SLC22A3: variants seen among roughly 807,000 people sequenced by gnomAD.
SLC22A3 encodes the protein solute carrier family 22 member 3.
In SLC22A3, 51 loss-of-function variants were observed where a neutral mutation model predicts 59.1. That is an observed-to-expected ratio of 0.86 (90% CI 0.69 to 1.09). The LOEUF (loss-of-function observed/expected upper bound fraction) is 1.09, where lower values mean the gene tolerates loss of function less well. SLC22A3 is among the 50% of genes least tolerant of loss of function. The probability of loss-of-function intolerance (pLI) is 0.00; values close to 1 mark genes in which losing one functional copy is unlikely to be tolerated. For missense variants in SLC22A3, 711 were observed against 726.3 expected (o/e 0.98, Z 0.24); for synonymous variants, 325 against 292.0 (o/e 1.11, Z -1.15).
At chr6:160,401,424 T>C (rs192633735) in intron 2 of SLC22A3, among the ~76,000 whole-genome samples, 1 of 151,878 alleles carries the variant, frequency 6.6e-6, no homozygotes, top group East Asian at 1.9e-4. Context: ...AGAAAAAAAA[T>C]CCAATCTAGA....
intron 1 of SLC22A3, among the ~76,000 whole-genome samples, chr6:160,394,904 G>A (rs2114826024): frequency 6.6e-6 from 1 of 152,258 alleles, no homozygotes; most frequent in African/African-American, 2.4e-5. Context: ...ATTGGAGCTG[G>A]AGCTGCTGCC....
rs1583431592 is a variant in SLC22A3, at chr6:160,348,677, C to G, written c.258C>G (p.Arg86=). ...CCCGCGGCCCAGAGCCCCCCGAGCG[C>G]CGCGGCCGCTGCCAGCGCTACCTCC... is the stretch of plus-strand genomic sequence containing the variant. ...PASRGPEPPE[R]RGRCQRYLLE... is the part of the protein sequence containing the mutation. The change falls in exon 1 of 11, where the codon CGC becomes CGG. Residue 86 remains arginine, a synonymous_variant. Transcript: ENST00000275300. 1 of 1,507,356 alleles carries G rather than the reference C, an allele frequency of 6.6e-7. No homozygotes were observed. Among genetic ancestry groups the G allele is most frequent in the South Asian group, 1.2e-5 (1 of 81,002 alleles). The allele number at this position is 1,507,356 out of a possible 1,614,324, so 93.4% of individuals were successfully genotyped here.
intron 2 of SLC22A3, among the ~76,000 whole-genome samples, chr6:160,404,232 G>A (rs994855305): frequency 6.6e-6 from 1 of 151,608 alleles, no homozygotes; most frequent in Non-Finnish European, 1.5e-5. Flanking sequence ...TAATAAGTGA[G>A]TATAGTGAAG....
At chr6:160,355,428 G>T (rs914653303) in intron 1 of SLC22A3, among the ~76,000 whole-genome samples, 1 of 152,086 alleles carries the variant, frequency 6.6e-6, no homozygotes, top group Non-Finnish European at 1.5e-5. Context: ...CTCCCCTTGG[G>T]CTCTTGTGTG....
At chr6:160,376,364 G>A (rs955033071) in intron 1 of SLC22A3, among the ~76,000 whole-genome samples, 2 of 151,804 alleles carry the variant, frequency 1.3e-5, no homozygotes, top group African/African-American at 2.4e-5. Flanking sequence ...GGGGGGTGGT[G>A]CGGAGAGGGG....
chr6:160,428,807 T>C (rs968131131), intron 5 of SLC22A3, among the ~76,000 whole-genome samples: 3 of 152,246 alleles, frequency 2.0e-5, no homozygotes, highest in African/African-American at 7.2e-5. Flanking sequence ...TATATGCTCT[T>C]GCATGGTAAA....
At chr6:160,381,107 G>A (rs976197380) in intron 1 of SLC22A3, among the ~76,000 whole-genome samples, 3 of 152,138 alleles carry the variant, frequency 2.0e-5, no homozygotes, top group African/African-American at 7.2e-5. Context: ...GTAAAAGTGG[G>A]GAGCTACTGA....
At chr6:160,370,393 T>A (rs1785358611) in intron 1 of SLC22A3, among the ~76,000 whole-genome samples, 1 of 152,248 alleles carries the variant, frequency 6.6e-6, no homozygotes, top group Non-Finnish European at 1.5e-5. Context: ...GTGGGCACTT[T>A]CCCTGCATAT....
intron 9 of SLC22A3, 145 bp from the exon 10 acceptor site, chr6:160,447,574 T>C: frequency 1.4e-6 from 1 of 728,464 alleles, no homozygotes; most frequent in Admixed American, 2.0e-5. Flanking sequence ...AAGGGAGAGC[T>C]GGGGCATTGA....
At chr6:160,446,903 C>T (rs921649065) in intron 9 of SLC22A3, among the ~76,000 whole-genome samples, 7 of 152,210 alleles carry the variant, frequency 4.6e-5, no homozygotes, top group African/African-American at 1.4e-4. Context: ...TGCATCACTT[C>T]CCAGTGGCCC....
chr6:160,424,409 T>G (rs573022076), intron 5 of SLC22A3, among the ~76,000 whole-genome samples: 1 of 152,220 alleles, frequency 6.6e-6, no homozygotes, highest in Non-Finnish European at 1.5e-5. Context: ...ATTCCTGTCA[T>G]GTGGGCAATC....
At chr6:160,422,558 T>C (rs1340277563) in intron 5 of SLC22A3, among the ~76,000 whole-genome samples, 1 of 152,162 alleles carries the variant, frequency 6.6e-6, no homozygotes, top group Non-Finnish European at 1.5e-5. Context: ...GATTACTTGG[T>C]CTGGAAAAAA....
At chr6:160,440,056 C>G (rs1788490614) in intron 7 of SLC22A3, among the ~76,000 whole-genome samples, 1 of 152,178 alleles carries the variant, frequency 6.6e-6, no homozygotes, top group South Asian at 2.1e-4. Context: ...CTCCACTCGA[C>G]CCAACTTTTC....
chr6:160,368,565 T>C (rs1785286801), intron 1 of SLC22A3, among the ~76,000 whole-genome samples: 1 of 152,164 alleles, frequency 6.6e-6, no homozygotes, highest in African/African-American at 2.4e-5. Flanking sequence ...GCACCTGTAA[T>C]TCCCTGTCAT....
At chr6:160,438,619 CA>C (rs1788435621) in intron 7 of SLC22A3, among the ~76,000 whole-genome samples, 1 of 151,728 alleles carries the variant, frequency 6.6e-6, no homozygotes, top group East Asian at 1.9e-4. Flanking sequence ...CACACACACA[CA>C]CACAATGTAC....
chr6:160,417,848 A>G (rs897662830), intron 5 of SLC22A3, among the ~76,000 whole-genome samples: 5 of 152,182 alleles, frequency 3.3e-5, no homozygotes. Context: ...AGGCTTACCT[A>G]TGGGCCCCAA....
intron 1 of SLC22A3, among the ~76,000 whole-genome samples, chr6:160,381,511 A>G (rs964787455): frequency 6.6e-6 from 1 of 152,252 alleles, no homozygotes; most frequent in African/African-American, 2.4e-5. Context: ...AAGGGAAAGT[A>G]TATGAATATA....
At chr6:160,431,288 G>A (rs1402136909) in intron 5 of SLC22A3, among the ~76,000 whole-genome samples, 1 of 152,114 alleles carries the variant, frequency 6.6e-6, no homozygotes, top group Non-Finnish European at 1.5e-5. Context: ...TAATAGTGGC[G>A]GCCGCCACGG....
chr6:160,367,875 C>T (rs1785262949), intron 1 of SLC22A3, among the ~76,000 whole-genome samples: 1 of 152,182 alleles, frequency 6.6e-6, no homozygotes, highest in African/African-American at 2.4e-5. Context: ...TCCCTGCACC[C>T]TCTCTGTTGA....
Sources: allele counts gnomAD v4.1 joint callset (sites outside exome capture counted in the v4.1 genomes callset), GRCh38; gene constraint gnomAD v4.1.1; transcripts MANE v1.5; gene names NCBI Gene and HGNC (gene_info 2026-07-23, HGNC 2026-07-21).